RIMS1: variants seen among roughly 807,000 people sequenced by gnomAD.
RIMS1 encodes the protein regulating synaptic membrane exocytosis protein 1.
Under a neutral mutation model 214.1 loss-of-function variants are expected in RIMS1, and 83 were observed. The ratio of observed to expected loss-of-function variants is 0.39; its 90% CI spans 0.32 to 0.47. The LOEUF is 0.47. RIMS1 is among the 20% of genes least tolerant of loss of function. The pLI is 0.99. For missense variants in RIMS1, 2,050 were observed against 2,161.8 expected (o/e 0.95, Z 1.03); for synonymous variants, 793 against 786.8 (o/e 1.01, Z -0.13).
Position 72,182,437 on chromosome 6 carries a change from G to A in RIMS1, c.966G>A (p.Gly322=). ...ERRESRRLEK[G]RSQDYPDTPE... Reference sequence around the variant, plus strand: ...GGGAAAGCCGAAGGCTTGAGAAAGGGCGATCACAGGATTACCCAGACACGC... The same window carrying A: ...GGGAAAGCCGAAGGCTTGAGAAAGGACGATCACAGGATTACCCAGACACGC... The change falls in exon 6 of 34, where the codon GGG becomes GGA. Residue 322 remains glycine (G), a synonymous_variant. Transcript: ENST00000521978. The A allele has an allele frequency of 1.2e-6, 2 of 1,613,918 alleles. No individual in the cohort carries two copies.
At position 71,947,234 on chromosome 6, in the gene RIMS1, G is replaced by T. The variant is rs532324542; in HGVS notation, c.165-21749G>T. Reference sequence around the variant, plus strand: ...ATCCAAAAAATATGAAATCAGTTTGGTGAATATATATCTGTACTCCCATGT... The same window carrying T: ...ATCCAAAAAATATGAAATCAGTTTGTTGAATATATATCTGTACTCCCATGT... On this transcript the variant is annotated intron_variant, in intron 1 of 33. Coordinates refer to ENST00000521978, the MANE Select transcript of RIMS1 (RefSeq NM_014989.7). Among the ~76,000 whole-genome samples, 15 of 152,120 alleles carry T rather than the reference G, an allele frequency of 9.9e-5. No individual in the cohort carries two copies. In the East Asian group the frequency reaches 2.7e-3, roughly 27 times the overall value.
At chr6:72,151,002 T>C (rs2043479184) in intron 4 of RIMS1, among the ~76,000 whole-genome samples, 1 of 152,232 alleles carries the variant, frequency 6.6e-6, no homozygotes, top group Non-Finnish European at 1.5e-5. Context: ...TTAGGGTTTC[T>C]GAAAGCAATT....
intron 29 of RIMS1, among the ~76,000 whole-genome samples, chr6:72,334,924 T>C (rs1037169782): frequency 1.3e-5 from 2 of 151,950 alleles, no homozygotes; most frequent in African/African-American, 4.8e-5. Context: ...AGCTGTTCTA[T>C]TTGTTATGAA....
In RIMS1 at chr6:72,117,274, T is replaced by A. The variant is rs74673823; in HGVS notation, c.471+17288T>A. The stretch of plus-strand genomic sequence containing the variant: ...CAGGATTTGGCCTGTAGGTCATAAG[T>A]TTCTGACCCCTCTTTAGTACAATAG... On this transcript the variant is annotated intron_variant, in intron 4 of 33. Coordinates refer to ENST00000521978, the MANE Select transcript of RIMS1 (RefSeq NM_014989.7). 1.1e-4 allele frequency among the ~76,000 whole-genome samples: 17 copies of A among 152,130 alleles called. No homozygotes were observed. In the East Asian group the frequency reaches 3.3e-3, roughly 29 times the overall value.
At chr6:72,271,284 A>AT (rs1460139968) in intron 22 of RIMS1, among the ~76,000 whole-genome samples, 95 of 23,816 alleles carry the variant, frequency 4.0e-3, no homozygotes, top group Admixed American at 5.1e-3. Flanking sequence ...AAAAAAAAAA[A>AT]AAATATATAT....
At chr6:72,296,422 A>G (rs1454042835) in intron 26 of RIMS1, among the ~76,000 whole-genome samples, 1 of 151,968 alleles carries the variant, frequency 6.6e-6, no homozygotes, top group Non-Finnish European at 1.5e-5. Context: ...GCAGTCATAC[A>G]TCTGAGAAGC....
intron 4 of RIMS1, among the ~76,000 whole-genome samples, chr6:72,101,515 G>T (rs2033578525): frequency 1.3e-5 from 2 of 151,844 alleles, no homozygotes; most frequent in African/African-American, 4.8e-5. Flanking sequence ...ATACTTTATT[G>T]CCAGTTCTTT....
At chr6:72,256,747 G>T (rs17783616) in intron 16 of RIMS1, among the ~76,000 whole-genome samples, 26,069 of 150,544 alleles carry the variant, frequency 0.17, 2,756 homozygotes, top group Non-Finnish European at 0.22. Flanking sequence ...TAACTTAGTT[G>T]GTCTCTTTCT....
intron 19 of RIMS1, chr6:72,263,290 C>T: frequency 3.0e-6 from 3 of 985,140 alleles, no homozygotes; most frequent in South Asian, 4.7e-5. Flanking sequence ...AAACGTGTCT[C>T]GAGGAAGTGG....
chr6:72,068,203 A>T (rs762206611), intron 2 of RIMS1, among the ~76,000 whole-genome samples: 2 of 152,200 alleles, frequency 1.3e-5, no homozygotes, highest in Non-Finnish European at 2.9e-5. Context: ...TGTAATATCC[A>T]GTAATATTCT....
At chr6:72,223,887 G>A (rs1456814900) in intron 6 of RIMS1, among the ~76,000 whole-genome samples, 1 of 146,388 alleles carries the variant, frequency 6.8e-6, no homozygotes, top group Non-Finnish European at 1.5e-5. Flanking sequence ...GGTGGAGTTT[G>A]CAGTGAGCCG....
chr6:72,227,949 T>A (rs976068008), intron 6 of RIMS1, among the ~76,000 whole-genome samples: 1 of 151,916 alleles, frequency 6.6e-6, no homozygotes, highest in African/African-American at 2.4e-5. Flanking sequence ...AAGGGGAACT[T>A]TTAAAAGGGA....
intron 2 of RIMS1, among the ~76,000 whole-genome samples, chr6:72,050,723 C>T (rs1824392981): frequency 6.6e-6 from 1 of 152,170 alleles, no homozygotes; most frequent in South Asian, 2.1e-4. Flanking sequence ...CTGACTCACA[C>T]TGATGAGCCC....
chr6:72,261,065 A>C, intron 19 of RIMS1: 3 of 1,215,476 alleles, frequency 2.5e-6, no homozygotes, highest in Non-Finnish European at 3.1e-6. Flanking sequence ...AAAATTCTAA[A>C]TGCTCACTGT....
At chr6:72,144,882 C>CTTTTTTTTTTTTTT (rs1194756462) in intron 4 of RIMS1, among the ~76,000 whole-genome samples, 1 of 149,116 alleles carries the variant, frequency 6.7e-6, no homozygotes, top group Non-Finnish European at 1.5e-5. Flanking sequence ...TTTTTTCTTT[C>CTTTTTTTTTTTTTT]TTTTTTCTTT....
chr6:72,353,441 G>A (rs546786237), intron 29 of RIMS1, among the ~76,000 whole-genome samples: 45 of 152,220 alleles, frequency 3.0e-4, no homozygotes, highest in African/African-American at 8.2e-4. Context: ...CTATTCATTC[G>A]TCAGTTTTAA....
At chr6:72,219,523 T>G (rs1485771445) in intron 6 of RIMS1, among the ~76,000 whole-genome samples, 1 of 152,112 alleles carries the variant, frequency 6.6e-6, no homozygotes, top group East Asian at 1.9e-4. Flanking sequence ...GGAAATAAAT[T>G]CTTATGATGA....
intron 28 of RIMS1, chr6:72,317,223 A>G (rs1336977954): frequency 3.3e-6 from 1 of 305,314 alleles, no homozygotes; most frequent in East Asian, 6.8e-5. Context: ...GCAGCAGGGG[A>G]CTGGGAGCAT....
At chr6:72,288,934 A>G (rs1196255061) in intron 24 of RIMS1, among the ~76,000 whole-genome samples, 1 of 152,180 alleles carries the variant, frequency 6.6e-6, no homozygotes, top group African/African-American at 2.4e-5. Context: ...ATTACAGGCT[A>G]TTTTCAGACA....
Sources: allele counts gnomAD v4.1 joint callset (sites outside exome capture counted in the v4.1 genomes callset), GRCh38; gene constraint gnomAD v4.1.1; transcripts MANE v1.5; gene names NCBI Gene and HGNC (gene_info 2026-07-23, HGNC 2026-07-21).